MTMR3: variants seen among roughly 807,000 people sequenced by gnomAD.
The protein encoded by MTMR3 is myotubularin related protein 3.
MTMR3 carries 32 observed loss-of-function variants against 132.4 expected under a neutral mutation model. The ratio of observed to expected loss-of-function variants is 0.24; its 90% CI spans 0.18 to 0.32. The LOEUF is 0.32. Among genes scored for constraint, MTMR3 ranks in the 10% least tolerant of loss-of-function variants. The pLI is 1.00. For missense variants in MTMR3, 1,216 were observed against 1,489.6 expected (o/e 0.82, Z 3.02); for synonymous variants, 556 against 550.3 (o/e 1.01, Z -0.14).
chr22:29,994,756 C>T (rs899113392), intron 7 of MTMR3: 7 of 152,302 alleles, frequency 4.6e-5, no homozygotes, highest in African/African-American at 1.7e-4. Context: ...TCTTAGTATT[C>T]ATATAAATCT....
intron 7 of MTMR3, chr22:29,997,936 TCTTAC>T (rs962834423): frequency 1.7e-4 from 26 of 152,362 alleles, no homozygotes; most frequent in African/African-American, 6.0e-4. Context: ...ATATTCGCTG[TCTTAC>T]CTTAACGAAA....
At chr22:29,992,089 GT>G in intron 7 of MTMR3, 4 of 153,768 alleles carry the variant, frequency 2.6e-5, no homozygotes, top group Non-Finnish European at 5.8e-5. Context: ...TTTGTTTTTT[GT>G]TTTTTTTGAG....
intron 14 of MTMR3, chr22:30,014,340 A>G (rs2067514798): frequency 6.6e-6 from 1 of 152,114 alleles, no homozygotes; most frequent in Non-Finnish European, 1.5e-5. Flanking sequence ...CATCATTACC[A>G]TTTGGCACAG....
intron 1 of MTMR3, among the ~76,000 whole-genome samples, chr22:29,945,458 T>G (rs1163729207): frequency 6.6e-6 from 1 of 152,036 alleles, no homozygotes; most frequent in East Asian, 1.9e-4. Context: ...ATCTCAACAC[T>G]TTGAGAGGCC....
At chr22:29,946,310 T>TA (rs1443503723) in intron 1 of MTMR3, among the ~76,000 whole-genome samples, 1 of 152,046 alleles carries the variant, frequency 6.6e-6, no homozygotes, top group Non-Finnish European at 1.5e-5. Flanking sequence ...GGATTCTGTT[T>TA]AGGATAGAGG....
rs148896037 is a variant in MTMR3, at chr22:29,965,347, T to C, written c.-84-5629T>C. Among the ~76,000 whole-genome samples the C allele has an allele frequency of 4.8e-3, 736 of 152,240 alleles. 26 individuals carry two copies. The highest frequency in any genetic ancestry group is 0.045 in the Admixed American group (683 of 15,270). ...TTTCTGGGTGAAGACTATGTTTAAATTGAGACTTTTAATGCCGAGTGGCAA... is the reference window on the plus strand; with the variant it reads ...TTTCTGGGTGAAGACTATGTTTAAACTGAGACTTTTAATGCCGAGTGGCAA... On this transcript the variant is annotated intron_variant, in intron 2 of 19. Transcript: ENST00000401950.
Position 30,012,402 on chromosome 22 carries a change from C to A in MTMR3, c.1156C>A (p.His386Asn). The change falls in exon 13 of 20, where the codon CAT becomes AAT. Residue 386 changes from histidine (H) to asparagine (N), a missense_variant. By Grantham distance (68) the His-to-Asn change is moderately conservative. Around this residue, in one of 7 missense-constraint regions of MTMR3, gnomAD observed 106 missense variants for 209.5 expected, o/e 0.51. Transcript: ENST00000401950. ...LSALESTKWL[H>N]HLSVLLKSAL... is the part of the protein sequence containing the mutation. Reference sequence around the variant, plus strand: ...AGCTCTTGAAAGCACAAAATGGCTCCATCACTTGTCTGTGCTTCTGAAATC... The same window carrying A: ...AGCTCTTGAAAGCACAAAATGGCTCAATCACTTGTCTGTGCTTCTGAAATC... The A allele has an allele frequency of 1.2e-6, 2 of 1,613,846 alleles. No individual in the cohort carries two copies. The highest frequency in any genetic ancestry group is 1.7e-6 in the Non-Finnish European group (2 of 1,179,946).
chr22:29,964,598 C>T (rs1407034754), intron 2 of MTMR3, among the ~76,000 whole-genome samples: 1 of 152,192 alleles, frequency 6.6e-6, no homozygotes, highest in Non-Finnish European at 1.5e-5. Flanking sequence ...GCTGCCACAT[C>T]TAGGCCTCTA....
At chr22:29,933,526 G>A (rs944749615) in intron 1 of MTMR3, among the ~76,000 whole-genome samples, 2 of 151,800 alleles carry the variant, frequency 1.3e-5, no homozygotes, top group African/African-American at 2.4e-5. Flanking sequence ...TTTTACTATC[G>A]GTCAAGTTAT....
At chr22:29,969,815 C>T (rs1244051708) in intron 2 of MTMR3, among the ~76,000 whole-genome samples, 1 of 152,216 alleles carries the variant, frequency 6.6e-6, no homozygotes, top group African/African-American at 2.4e-5. Flanking sequence ...CAGGCGTGAG[C>T]CACCACACCC....
chr22:29,997,099 G>GT lies in MTMR3; in HGVS notation c.461-1656dup, dbSNP rs1045239408. On this transcript the variant is annotated intron_variant, in intron 7 of 19. Coordinates refer to ENST00000401950, the MANE Select transcript of MTMR3 (RefSeq NM_021090.4). Reference sequence around the variant, plus strand: ...GACAGATGGCACCCCAATTCAGATAGTTTTTTCCTGTTTGGAAGCCTGCTA... The same window carrying GT: ...GACAGATGGCACCCCAATTCAGATAGTTTTTTTCCTGTTTGGAAGCCTGCTA... The GT allele has an allele frequency of 2.0e-4, 31 of 152,284 alleles. No homozygotes were observed. The East Asian group carries it at 4.6e-3, about 23-fold the overall frequency. 9.4% of individuals were successfully genotyped at this position (152,284 alleles called of 1,614,324 possible).
intron 1 of MTMR3, among the ~76,000 whole-genome samples, chr22:29,928,414 C>T (rs116339503): frequency 0.011 from 1,620 of 151,988 alleles, 33 homozygotes; most frequent in African/African-American, 0.038. Context: ...TCAGGTGATC[C>T]GCTGGCCTTG....
At chr22:29,891,079 A>T (rs1160837238) in intron 1 of MTMR3, among the ~76,000 whole-genome samples, 1 of 151,804 alleles carries the variant, frequency 6.6e-6, no homozygotes, top group African/African-American at 2.4e-5. Context: ...AAAAAAATTG[A>T]TAGGACTTCG....
intron 1 of MTMR3, among the ~76,000 whole-genome samples, chr22:29,905,273 A>G (rs984348951): frequency 6.6e-6 from 1 of 152,166 alleles, no homozygotes; most frequent in African/African-American, 2.4e-5. Context: ...CCTGCTGTAT[A>G]TATAGGTTTC....
intron 4 of MTMR3, 100 bp downstream of exon 4, chr22:29,978,631 A>G: frequency 3.5e-6 from 3 of 850,362 alleles, no homozygotes; most frequent in Non-Finnish European, 5.3e-6. Flanking sequence ...ATATATATAT[A>G]TAACATACAT....
intron 11 of MTMR3, 68 bp downstream of exon 11, chr22:30,008,100 T>A: frequency 1.3e-6 from 2 of 1,573,554 alleles, no homozygotes; most frequent in Non-Finnish European, 1.7e-6. Flanking sequence ...CAACTGAGAC[T>A]TAGTTCCCAA....
At chr22:29,979,547 G>C in intron 5 of MTMR3, 1 of 206,770 alleles carries the variant, frequency 4.8e-6, no homozygotes, top group Non-Finnish European at 9.5e-6. Context: ...CAGCTCTTAT[G>C]CTTGATTTAA....
chr22:29,965,498 A>G (rs958130111), intron 2 of MTMR3, among the ~76,000 whole-genome samples: 1 of 152,158 alleles, frequency 6.6e-6, no homozygotes, highest in African/African-American at 2.4e-5. Context: ...CAGCCTGATC[A>G]ACATGGTGAA....
chr22:30,008,943 A>G (rs2145940271), intron 11 of MTMR3, 75 bp from the exon 12 acceptor site: 2 of 971,940 alleles, frequency 2.1e-6, no homozygotes, highest in Middle Eastern at 2.1e-4. Context: ...TTTTATAGCC[A>G]GTTTGCTTTT....
Sources: gnomAD v4.1 joint callset for allele counts (sites outside exome capture counted in the v4.1 genomes callset) on GRCh38, gnomAD v4.1.1 for gene constraint, gnomAD v4.1.1 regional missense constraint, MANE v1.5 for transcripts, NCBI Gene and HGNC (gene_info 2026-07-23, HGNC 2026-07-21) for gene names.